Variants in SEC24D observed in about 807,000 individuals in gnomAD.
The protein encoded by SEC24D is SEC24 homolog D, COPII component.
In SEC24D, 69 loss-of-function variants were observed where a neutral mutation model predicts 116.9. The ratio of observed to expected loss-of-function variants is 0.59; its 90% CI spans 0.49 to 0.72. The LOEUF is 0.72. Ranked by LOEUF, SEC24D falls within the 30% of genes least tolerant of loss-of-function variation. The pLI is 0.00. For missense variants in SEC24D, 1,131 were observed against 1,264.1 expected, an observed-to-expected ratio of 0.89 and a Z score of 1.60; for synonymous variants, 405 against 442.8, an observed-to-expected ratio of 0.91 and a Z score of 1.07.
intron 8 of SEC24D, among the ~76,000 whole-genome samples, chr4:118,789,203 A>G (rs2110495480): frequency 6.6e-6 from 1 of 152,346 alleles, no homozygotes; most frequent in East Asian, 1.9e-4. Flanking sequence ...ATCATCTATA[A>G]AAGTGGGATT....
intron 8 of SEC24D, among the ~76,000 whole-genome samples, chr4:118,772,315 A>G (rs1460383009): frequency 1.3e-5 from 2 of 152,228 alleles, no homozygotes; most frequent in Admixed American, 6.5e-5. Flanking sequence ...ACCAGCAGGC[A>G]AGAAAACAAC....
intron 22 of SEC24D, among the ~76,000 whole-genome samples, chr4:118,727,082 A>G (rs1299245436): frequency 6.6e-6 from 1 of 152,238 alleles, no homozygotes; most frequent in Non-Finnish European, 1.5e-5. Context: ...GACCCGGACC[A>G]AGCTAGTGAG....
intron 19 of SEC24D, among the ~76,000 whole-genome samples, chr4:118,733,623 T>TC (rs1254466501): frequency 1.3e-5 from 2 of 152,084 alleles, no homozygotes; most frequent in East Asian, 3.9e-4. Flanking sequence ...TATAAATACA[T>TC]AAAACATAAT....
At chr4:118,792,664 T>C (rs1249973946) in intron 8 of SEC24D, among the ~76,000 whole-genome samples, 1 of 152,198 alleles carries the variant, frequency 6.6e-6, no homozygotes, top group Non-Finnish European at 1.5e-5. Flanking sequence ...GTGCAAGATG[T>C]GCTTTGTTAA....
intron 11 of SEC24D, among the ~76,000 whole-genome samples, chr4:118,754,331 C>T (rs1726976703): frequency 6.6e-6 from 1 of 152,130 alleles, no homozygotes; most frequent in Non-Finnish European, 1.5e-5. Context: ...ATACTGCATC[C>T]ATACTCACCC....
At chr4:118,754,959 A>G (rs1046143744) in intron 11 of SEC24D, among the ~76,000 whole-genome samples, 1 of 152,120 alleles carries the variant, frequency 6.6e-6, no homozygotes, top group African/African-American at 2.4e-5. Flanking sequence ...CTACAGAGGA[A>G]AAACTAGATT....
intron 8 of SEC24D, among the ~76,000 whole-genome samples, chr4:118,783,322 C>G (rs906039675): frequency 6.6e-5 from 10 of 152,214 alleles, no homozygotes; most frequent in Non-Finnish European, 1.5e-5. Flanking sequence ...AAAACCCATA[C>G]TCCACCTCCT....
chr4:118,796,982 T>G (rs1729204905), intron 8 of SEC24D, among the ~76,000 whole-genome samples: 1 of 152,194 alleles, frequency 6.6e-6, no homozygotes, highest in African/African-American at 2.4e-5. Flanking sequence ...CTGTGTGACT[T>G]GCTCTGCTAT....
At chr4:118,738,471 C>T in intron 18 of SEC24D, 92 bp from the exon 19 acceptor site, 1 of 853,538 alleles carries the variant, frequency 1.2e-6, no homozygotes, top group Non-Finnish European at 2.0e-6. Flanking sequence ...TTGCTATTAT[C>T]TTCAGACCAC....
chr4:118,784,137 T>G (rs1041874380), intron 8 of SEC24D, among the ~76,000 whole-genome samples: 4 of 152,190 alleles, frequency 2.6e-5, no homozygotes, highest in African/African-American at 9.7e-5. Flanking sequence ...TTAATTTGAT[T>G]TGGGCACACA....
At chr4:118,738,109 C>A in intron 19 of SEC24D, 152 bp downstream of exon 19, 1 of 555,474 alleles carries the variant, frequency 1.8e-6, no homozygotes, top group Non-Finnish European at 3.2e-6. Context: ...AACCACAGCC[C>A]CCCCAAATTG....
At chr4:118,805,726 C>A (rs1320503124) in intron 7 of SEC24D, 117 bp downstream of exon 7, 5 of 571,372 alleles carry the variant, frequency 8.8e-6, no homozygotes, top group Non-Finnish European at 1.5e-5. Flanking sequence ...AACTGATTAT[C>A]AGCTATAATG....
chr4:118,752,651 C>A, intron 12 of SEC24D, 46 bp downstream of exon 12: 11 of 1,415,460 alleles, frequency 7.8e-6, no homozygotes, highest in Non-Finnish European at 1.1e-5. Flanking sequence ...CAATTAAAGA[C>A]AAAACACCTG....
chr4:118,762,397 C>A (rs1367953825), intron 10 of SEC24D, among the ~76,000 whole-genome samples: 1 of 152,072 alleles, frequency 6.6e-6, no homozygotes, highest in Non-Finnish European at 1.5e-5. Context: ...GCCTAAGTTT[C>A]CTCAAGTAAT....
chr4:118,775,662 C>T (rs879876269), intron 8 of SEC24D, among the ~76,000 whole-genome samples: 4 of 152,066 alleles, frequency 2.6e-5, no homozygotes, highest in Non-Finnish European at 4.4e-5. Flanking sequence ...ATACACACCC[C>T]TACCTAAAAT....
At chr4:118,728,761 G>T in intron 21 of SEC24D, 111 bp from the exon 22 acceptor site, 1 of 619,224 alleles carries the variant, frequency 1.6e-6, no homozygotes, top group Non-Finnish European at 2.6e-6. Context: ...TTGAACATTG[G>T]TGTAGTTCAT....
chr4:118,751,855 C>T (rs989667662), intron 13 of SEC24D, 141 bp downstream of exon 13: 10 of 651,412 alleles, frequency 1.5e-5, no homozygotes, highest in Middle Eastern at 3.6e-4. Flanking sequence ...CTCCTGAGAT[C>T]TGAGTGGAAG....
At chr4:118,797,851 A>G in intron 7 of SEC24D, 41 bp from the exon 8 acceptor site, 1 of 1,508,808 alleles carries the variant, frequency 6.6e-7, no homozygotes, top group Non-Finnish European at 9.0e-7. Flanking sequence ...TTGTTTAGAA[A>G]AAAACCTTCC....
chr4:118,774,108 C>G (rs1483044467), intron 8 of SEC24D, among the ~76,000 whole-genome samples: 1 of 151,740 alleles, frequency 6.6e-6, no homozygotes, highest in Admixed American at 6.6e-5. Context: ...GTTGGCTCTT[C>G]TTAACCTAAA....
Sources: gnomAD v4.1 joint callset for allele counts (sites outside exome capture counted in the v4.1 genomes callset) on GRCh38, gnomAD v4.1.1 for gene constraint, MANE v1.5 for transcripts, NCBI Gene and HGNC (gene_info 2026-07-23, HGNC 2026-07-21) for gene names.